The following GALNT16 variants were observed in gnomAD, a reference collection of about 807,000 sequenced individuals.
The protein encoded by GALNT16 is UDP-GalNAc:polypeptide N-acetylgalactosaminyltransferase-like protein 1.
In GALNT16, 40 loss-of-function variants were observed where a neutral mutation model predicts 76.1. That is an observed-to-expected ratio of 0.53 (90% confidence interval 0.41 to 0.68). The LOEUF (loss-of-function observed/expected upper bound fraction) is 0.68. Among genes scored for constraint, GALNT16 ranks in the 30% least tolerant of loss-of-function variants. The pLI, the probability that GALNT16 is intolerant of heterozygous loss-of-function variation, is 0.00. For synonymous variants in GALNT16, 276 were observed against 285.2 expected (o/e 0.97, Z 0.32); for missense variants, 621 against 731.9 (o/e 0.85, Z 1.75).
chr14:69,281,966 A>G (rs1296025352), intron 1 of GALNT16, among the ~76,000 whole-genome samples: 1 of 152,248 alleles, frequency 6.6e-6, no homozygotes, highest in South Asian at 2.1e-4. Flanking sequence ...TTGCATGCAC[A>G]GAGCACTTCA....
At chr14:69,356,554 C>CTTTTTTTTTTTTTTTTTTTTTTTTTTTT (rs763230954), downstream of GALNT16, 59 of 117,326 alleles carry the variant, frequency 5.0e-4, 6 homozygotes, top group Middle Eastern at 8.1e-3. Context: ...GCTGTGAGCT[C>CTTTTTTTTTTTTTTTTTTTTTTTTTTTT]TTTTTTTTTT....
chr14:69,342,683 A>G (rs1397540584), intron 12 of GALNT16, among the ~76,000 whole-genome samples: 1 of 152,182 alleles, frequency 6.6e-6, no homozygotes, highest in Non-Finnish European at 1.5e-5. Flanking sequence ...AAATGAGAAA[A>G]CAAAATGCAA....
chr14:69,306,484 C>G (rs1457698213), intron 1 of GALNT16, among the ~76,000 whole-genome samples: 2 of 152,178 alleles, frequency 1.3e-5, no homozygotes, highest in African/African-American at 4.8e-5. Flanking sequence ...TCCCCACAGC[C>G]TATATCAAAT....
rs1243283117 is a variant in GALNT16 at position 69,325,413 on chromosome 14, T to C, written c.502+9T>C. The stretch of plus-strand genomic sequence containing the variant: ...TGACTTCAGCTCAGATCGTGAGTAG[T>C]CACCTTCCTTTTTGCAGCCCTCCAT... On this transcript the variant is annotated intron_variant, in intron 4 of 14. Transcript: ENST00000448469. The C allele has an allele frequency of 5.2e-6, 8 of 1,529,718 alleles. No homozygotes were observed. The South Asian group carries it at 6.7e-5, about 13-fold the overall frequency. The allele number at this position is 1,529,718 out of a possible 1,614,324, so 94.8% of individuals were successfully genotyped here.
the GALNT16 span, among the ~76,000 whole-genome samples, chr14:69,375,068 G>T: frequency 3.1e-3 from 478 of 152,300 alleles, 4 homozygotes; most frequent in African/African-American, 0.011. Flanking sequence ...GGAGACACAT[G>T]CAAACGACAG....
At chr14:69,276,680 CA>C (rs11290964) in intron 1 of GALNT16, among the ~76,000 whole-genome samples, 86,132 of 142,418 alleles carry the variant, frequency 0.6, 25,648 homozygotes, top group East Asian at 0.99. Flanking sequence ...GACTCTATCT[CA>C]AAAAAAAAAA....
chr14:69,267,883 C>T (rs73290563), intron 1 of GALNT16, among the ~76,000 whole-genome samples: 14 of 152,120 alleles, frequency 9.2e-5, no homozygotes, highest in Admixed American at 4.6e-4. Flanking sequence ...ACTTCTCCCG[C>T]GAAAGTGAGG....
chr14:69,318,660 G>A (rs1193676152), intron 1 of GALNT16, among the ~76,000 whole-genome samples: 3 of 152,224 alleles, frequency 2.0e-5, no homozygotes, highest in Non-Finnish European at 2.9e-5. Context: ...CAGAGTGGCC[G>A]TAAGTCCTAA....
chr14:69,262,690 G>A (rs72625665), intron 1 of GALNT16, among the ~76,000 whole-genome samples: 7,521 of 152,048 alleles, frequency 0.049, 351 homozygotes, highest in East Asian at 0.24. Flanking sequence ...AGCTTTAGAT[G>A]CCTGTTCCAC....
At chr14:69,272,454 C>T (rs2044417624) in intron 1 of GALNT16, among the ~76,000 whole-genome samples, 1 of 152,176 alleles carries the variant, frequency 6.6e-6, no homozygotes, top group African/African-American at 2.4e-5. Context: ...ATGTTTTGGT[C>T]AACCAGGGAC....
chr14:69,282,010 G>A (rs1008233109), intron 1 of GALNT16, among the ~76,000 whole-genome samples: 6 of 152,202 alleles, frequency 3.9e-5, no homozygotes, highest in East Asian at 1.9e-4. Flanking sequence ...ATTTTCATAC[G>A]TTACATCATG....
At chr14:69,295,256 A>G (rs2044742927) in intron 1 of GALNT16, among the ~76,000 whole-genome samples, 1 of 151,656 alleles carries the variant, frequency 6.6e-6, no homozygotes, top group African/African-American at 2.4e-5. Flanking sequence ...TCTACCAAAA[A>G]TACAAAAGAT....
At chr14:69,364,257 A>G in the GALNT16 span, among the ~76,000 whole-genome samples, 19,118 of 152,200 alleles carry the variant, frequency 0.13, 1,441 homozygotes, top group Middle Eastern at 0.26. The surrounding 1 kb of genome is among the most constrained non-coding windows in gnomAD (Gnocchi z 4.2). Flanking sequence ...GTTGACTTGC[A>G]TTTTCATGAA....
At chr14:69,332,826 C>T (rs934919953) in intron 7 of GALNT16, among the ~76,000 whole-genome samples, 2 of 116,000 alleles carry the variant, frequency 1.7e-5, no homozygotes, top group South Asian at 2.4e-4. Flanking sequence ...TTGTTTTCTT[C>T]TTTTTTTTTT....
intron 1 of GALNT16, among the ~76,000 whole-genome samples, chr14:69,272,159 A>G (rs1385532181): frequency 6.6e-6 from 1 of 152,038 alleles, no homozygotes; most frequent in African/African-American, 2.4e-5. Flanking sequence ...TCAGGAGTTC[A>G]AGACCAGCCT....
At chr14:69,340,831 A>G (rs1397319266) in intron 11 of GALNT16, among the ~76,000 whole-genome samples, 1 of 152,162 alleles carries the variant, frequency 6.6e-6, no homozygotes, top group Non-Finnish European at 1.5e-5. Flanking sequence ...GGTTGAATCC[A>G]TGGATGCAGA....
rs2045659003 is a variant in GALNT16 at position 69,353,107 on chromosome 14, G to A, written c.*939G>A. On this transcript the variant is annotated 3_prime_UTR_variant, in exon 15 of 15. Transcript: ENST00000448469. ...AGGACGGGTAGCCACACACATCCCTGAGTAGTCCCAGCCTCATTTGTCATT... is the reference window on the plus strand; with the variant it reads ...AGGACGGGTAGCCACACACATCCCTAAGTAGTCCCAGCCTCATTTGTCATT... 6.6e-6 allele frequency among the ~76,000 whole-genome samples: 1 copy of A among 152,174 alleles called. No individual in the cohort carries two copies. The highest frequency in any genetic ancestry group is 1.5e-5 in the Non-Finnish European group (1 of 68,030).
chr14:69,263,839 C>CCCT (rs2044306908), intron 1 of GALNT16, among the ~76,000 whole-genome samples: 2 of 152,214 alleles, frequency 1.3e-5, no homozygotes, highest in Non-Finnish European at 2.9e-5. Context: ...CTGATTCCAT[C>CCCT]CCTATATGGC....
intron 1 of GALNT16, among the ~76,000 whole-genome samples, chr14:69,315,499 A>T (rs1463690262): frequency 6.6e-6 from 1 of 152,190 alleles, no homozygotes; most frequent in Non-Finnish European, 1.5e-5. Context: ...GGGCTTCTGG[A>T]GCCATGGTCC....
Sources: gnomAD v4.1 joint callset for allele counts (sites outside exome capture counted in the v4.1 genomes callset) on GRCh38, gnomAD v4.1.1 for gene constraint, Gnocchi (gnomAD v3.1) non-coding constraint, MANE v1.5 for transcripts, NCBI Gene and HGNC (gene_info 2026-07-23, HGNC 2026-07-21) for gene names.